GRM4: variants seen among roughly 807,000 people sequenced by gnomAD.
GRM4 encodes glutamate metabotropic receptor 4.
In GRM4, 28 loss-of-function variants were observed where a neutral mutation model predicts 81.7. That is an observed-to-expected ratio of 0.34 (90% CI 0.25 to 0.47). The LOEUF (loss-of-function observed/expected upper bound fraction) is 0.47, where lower values mean the gene tolerates loss of function less well. GRM4 is among the 20% of genes least tolerant of loss of function. The probability of loss-of-function intolerance (pLI) is 1.00; values close to 1 mark genes in which losing one functional copy is unlikely to be tolerated. For missense variants in GRM4, 948 were observed against 1,290.0 expected (o/e 0.73, Z 4.06); for synonymous variants, 488 against 528.8 (o/e 0.92, Z 1.06).
intron 2 of GRM4, among the ~76,000 whole-genome samples, chr6:34,129,892 C>T (rs1209944837): frequency 6.6e-6 from 1 of 152,202 alleles, no homozygotes; most frequent in African/African-American, 2.4e-5. Context: ...ACACCCAGGG[C>T]TCCCCTCTGA....
At position 34,058,980 on chromosome 6, in the gene GRM4, C is replaced by G; in HGVS notation, c.1021G>C (p.Val341Leu). 6.2e-7 allele frequency: 1 copy of G among 1,612,224 alleles called. No individual in the cohort carries two copies. The highest frequency in any genetic ancestry group is 8.5e-7 in the Non-Finnish European group (1 of 1,179,664). ...AVTILPKRMS[V>L]RGFDRYFSSR... is the part of the protein sequence containing the mutation. ...TGCACCCGCCCAGCCTTACCTCGTA[C>G]GGACATCCTCTTGGGGAGGATCGTG... Residue 341 changes from valine to leucine, a missense_variant, in exon 5 of 11, where the codon GTA (valine) becomes CTA (leucine). By Grantham distance (32) the Val-to-Leu change is conservative (BLOSUM62 1). Transcript: ENST00000538487.
intron 2 of GRM4, among the ~76,000 whole-genome samples, chr6:34,093,376 C>A (rs745534309): frequency 6.6e-6 from 1 of 152,244 alleles, no homozygotes; most frequent in Non-Finnish European, 1.5e-5. Flanking sequence ...AATATCCCGA[C>A]ATTCAACTCT....
At chr6:34,153,057 G>A (rs1771076811) in intron 1 of GRM4, among the ~76,000 whole-genome samples, 1 of 152,134 alleles carries the variant, frequency 6.6e-6, no homozygotes, top group Non-Finnish European at 1.5e-5. Context: ...GAGGAGGGAG[G>A]GTCCAGGTGT....
Position 34,089,838 on chromosome 6 carries a change from G to A in GRM4, c.736+2045C>T, listed in dbSNP as rs529272662. Among the ~76,000 whole-genome samples the A allele has an allele frequency of 6.6e-6, 1 of 152,190 alleles. No individual in the cohort carries two copies. The highest frequency in any genetic ancestry group is 2.1e-4 in the South Asian group (1 of 4,822). On this transcript the variant is annotated intron_variant, in intron 3 of 10. Transcript: ENST00000538487. This position sits in a 1 kb window ranked among gnomAD's most constrained non-coding sequence, Gnocchi z 4.3. ...ATCCCATGCCTCTCCTGTCCCTCCA[G>A]GCTGTGTGTACATGGGTGTGCCTGT...
chr6:34,076,295 G>T (rs1767310272), intron 3 of GRM4, among the ~76,000 whole-genome samples: 1 of 152,086 alleles, frequency 6.6e-6, no homozygotes, highest in African/African-American at 2.4e-5. Flanking sequence ...CCACAAGTAG[G>T]CGTTGGGTAA....
chr6:34,155,138 C>T, exon 1 of GRM4: 1 of 1,534,672 alleles, frequency 6.5e-7, no homozygotes, highest in Non-Finnish European at 8.7e-7. Context: ...GGGCTGCTTC[C>T]CAGCTGGGCG....
At chr6:34,075,521 A>G (rs2499694) in intron 3 of GRM4, among the ~76,000 whole-genome samples, 56,580 of 152,074 alleles carry the variant, frequency 0.37, 15,657 homozygotes, top group African/African-American at 0.76. Flanking sequence ...CCTGCAGTGG[A>G]AGCTCATCGT....
intron 1 of GRM4, among the ~76,000 whole-genome samples, chr6:34,143,114 G>A (rs1172218256): frequency 6.6e-6 from 1 of 152,210 alleles, no homozygotes; most frequent in African/African-American, 2.4e-5. Flanking sequence ...GGGTGTGGGG[G>A]GGATAACTTT....
Position 34,036,650 on chromosome 6 carries a change from G to A in GRM4, c.1507-47C>T, listed in dbSNP as rs1439250797. 3.7e-6 allele frequency: 4 copies of A among 1,094,474 alleles called. No homozygotes were observed. Among genetic ancestry groups the A allele is most frequent in the South Asian group, 1.4e-5 (1 of 69,032 alleles). 67.8% of individuals were successfully genotyped at this position (1,094,474 alleles called of 1,614,324 possible). ...AGCAGGCCTCAGAACATGCCACCCG[G>A]TGCCCCGGACCATCCTACTGGGTGG... On this transcript the variant is annotated intron_variant, in intron 8 of 10. Transcript: ENST00000538487. This position sits in a 1 kb window ranked among gnomAD's most constrained non-coding sequence, Gnocchi z 9.0.
exon 1 of GRM4, chr6:34,155,215 C>A (rs1490752986): frequency 6.5e-7 from 1 of 1,535,510 alleles, no homozygotes; most frequent in African/African-American, 1.4e-5. Flanking sequence ...GCCTCTTGTG[C>A]GCACCCACAC....
In GRM4 at chr6:34,089,802, A is replaced by G. The variant is rs1235364038; in HGVS notation, c.736+2081T>C. Among the ~76,000 whole-genome samples the G allele has an allele frequency of 6.6e-6, 1 of 151,994 alleles. No individual in the cohort carries two copies. Among genetic ancestry groups the G allele is most frequent in the Non-Finnish European group, 1.5e-5 (1 of 67,988 alleles). ...CCTTCAGCCAAAACACAATGCCCAG[A>G]CCCCACCCCCATCCCATGCCTCTCC... is the stretch of plus-strand genomic sequence containing the variant. On this transcript the variant is annotated intron_variant, in intron 3 of 10. Coordinates refer to ENST00000538487, the MANE Select transcript of GRM4 (RefSeq NM_000841.4). The surrounding 1 kb of genome is among the most constrained non-coding windows in gnomAD (Gnocchi z 4.3).
chr6:34,032,553 G>A (rs1399630244), intron 9 of GRM4, among the ~76,000 whole-genome samples: 1 of 152,206 alleles, frequency 6.6e-6, no homozygotes, highest in African/African-American at 2.4e-5. Context: ...AGTGGGAGAG[G>A]TGTATGTCCC....
chr6:34,036,496 G>T lies in GRM4; in HGVS notation c.1614C>A (p.Cys538Ter). The change falls in exon 9 of 11, where the codon TGC (cysteine) becomes TGA (stop). Residue 538 changes from cysteine to a stop codon, truncating the protein, a stop_gained. Coordinates refer to ENST00000538487, the MANE Select transcript of GRM4 (RefSeq NM_000841.4). LOFTEE classifies it high-confidence loss of function. This position sits in a 1 kb window ranked among gnomAD's most constrained non-coding sequence, Gnocchi z 9.0. The stretch of plus-strand genomic sequence containing the variant: ...CTGTGCAAGGCTCGCAGTGCCAGCA[G>T]CAAGGCATGCCCTTCACTGTCTTCT... The part of the protein sequence containing the change: ...ERKKTVKGMP[C>*]CWHCEPCTGY... 1 of 1,612,852 alleles carries T rather than the reference G, an allele frequency of 6.2e-7. No homozygotes were observed.
At chr6:34,154,605 ACACACACAC>A (rs1367583573) in intron 1 of GRM4, among the ~76,000 whole-genome samples, 1 of 151,450 alleles carries the variant, frequency 6.6e-6, no homozygotes, top group Non-Finnish European at 1.5e-5. Flanking sequence ...ACACACACAC[ACACACACAC>A]ACACACACAC....
At chr6:34,113,372 G>A (rs1381726736) in intron 2 of GRM4, among the ~76,000 whole-genome samples, 2 of 152,008 alleles carry the variant, frequency 1.3e-5, no homozygotes, top group Non-Finnish European at 2.9e-5. Flanking sequence ...GGCTGGTCTC[G>A]AACTCCTGGG....
chr6:34,087,928 T>C (rs1437835125), intron 3 of GRM4, among the ~76,000 whole-genome samples: 1 of 151,414 alleles, frequency 6.6e-6, no homozygotes, highest in African/African-American at 2.4e-5. Flanking sequence ...TAGCCTGGGC[T>C]CCTGTAGTTT....
chr6:34,101,604 C>T (rs1006221359), intron 2 of GRM4, among the ~76,000 whole-genome samples: 1 of 152,218 alleles, frequency 6.6e-6, no homozygotes, highest in Non-Finnish European at 1.5e-5. Flanking sequence ...GCTGGGAGAC[C>T]AGCCCTGCTT....
Position 34,040,102 on chromosome 6 carries a change from C to A in GRM4, c.1506+76G>T. On this transcript the variant is annotated intron_variant, in intron 8 of 10. Transcript: ENST00000538487. ...GGAGGTCAGGGCTAATCAGCAGCAGCCTCCCCTTGGGCCCCCCTCCCAGGG... is the reference window on the plus strand; with the variant it reads ...GGAGGTCAGGGCTAATCAGCAGCAGACTCCCCTTGGGCCCCCCTCCCAGGG... The A allele has an allele frequency of 4.9e-6, 7 of 1,436,608 alleles. No homozygotes were observed. In the South Asian group the frequency reaches 8.3e-5, roughly 17 times the overall value. The allele number at this position is 1,436,608 out of a possible 1,614,324, so 89.0% of individuals were successfully genotyped here. A position where few individuals can be genotyped will look rare whatever the true frequency, so the allele number is the denominator to read the frequency against.
At chr6:34,102,181 G>T in intron 2 of GRM4, 1 of 1,531,994 alleles carries the variant, frequency 6.5e-7, no homozygotes, top group Non-Finnish European at 8.7e-7. Context: ...AGCAATAATA[G>T]GTCTCCCCAC....
Sources: gnomAD v4.1 joint callset for allele counts (sites outside exome capture counted in the v4.1 genomes callset) on GRCh38, gnomAD v4.1.1 for gene constraint, Gnocchi (gnomAD v3.1) non-coding constraint, MANE v1.5 for transcripts, NCBI Gene and HGNC (gene_info 2026-07-23, HGNC 2026-07-21) for gene names.